KCTD16: variants seen among roughly 807,000 people sequenced by gnomAD.
KCTD16 encodes the protein potassium channel tetramerization domain containing 16.
Under a neutral mutation model 33.2 loss-of-function variants are expected in KCTD16, and 13 were observed. The observed-to-expected ratio is 0.39, with a 90% confidence interval of 0.25 to 0.62. KCTD16 has a LOEUF of 0.62. Ranked by LOEUF, KCTD16 falls within the 20% of genes least tolerant of loss-of-function variation. The probability of loss-of-function intolerance (pLI) is 0.50; values close to 1 mark genes in which losing one functional copy is unlikely to be tolerated. For missense variants in KCTD16, 441 were observed against 525.1 expected, an observed-to-expected ratio of 0.84 and a Z score of 1.57; for synonymous variants, 197 against 195.3, an observed-to-expected ratio of 1.01 and a Z score of -0.07.
At position 144,236,924 on chromosome 5, in the gene KCTD16, T is replaced by A. The variant is rs151114323; in HGVS notation, c.832+29378T>A. On this transcript the variant is annotated intron_variant, in intron 3 of 3. Coordinates refer to ENST00000512467, the MANE Select transcript of KCTD16 (RefSeq NM_020768.4). ...GGATTTATCATATTGGCAATGGCTA[T>A]CTTAGCACTGGACTATATTTGAATG... 4.2e-3 allele frequency among the ~76,000 whole-genome samples: 641 copies of A among 152,222 alleles called. 6 individuals carry two copies. Among genetic ancestry groups the A allele is most frequent in the African/African-American group, 0.015 (614 of 41,544 alleles).
At chr5:144,343,133 G>A (rs1466670942) in intron 3 of KCTD16, among the ~76,000 whole-genome samples, 1 of 152,130 alleles carries the variant, frequency 6.6e-6, no homozygotes, top group Non-Finnish European at 1.5e-5. Flanking sequence ...CTATTGATTG[G>A]AATAGTTTCA....
At chr5:144,392,125 G>A (rs542480626) in intron 3 of KCTD16, among the ~76,000 whole-genome samples, 25 of 152,288 alleles carry the variant, frequency 1.6e-4, no homozygotes, top group African/African-American at 5.8e-4. Context: ...GGAAACAAAC[G>A]GTGTGGGAGA....
At chr5:144,333,361 T>G (rs1341669011) in intron 3 of KCTD16, among the ~76,000 whole-genome samples, 1 of 152,208 alleles carries the variant, frequency 6.6e-6, no homozygotes, top group Non-Finnish European at 1.5e-5. Context: ...AATGTGGCTG[T>G]TCTTCTGCTC....
At chr5:144,213,938 A>G (rs1288323606) in intron 3 of KCTD16, among the ~76,000 whole-genome samples, 1 of 152,176 alleles carries the variant, frequency 6.6e-6, no homozygotes, top group Admixed American at 6.5e-5. Context: ...TGAGCTTACC[A>G]AGATGTGCAG....
intron 3 of KCTD16, among the ~76,000 whole-genome samples, chr5:144,261,221 TC>T (rs1755003934): frequency 7.0e-6 from 1 of 142,124 alleles, no homozygotes; most frequent in Non-Finnish European, 1.5e-5. Context: ...AGGGAACACC[TC>T]CCAGGAAAAT....
intron 3 of KCTD16, among the ~76,000 whole-genome samples, chr5:144,219,712 G>A (rs111498718): frequency 0.027 from 4,058 of 151,702 alleles, 183 homozygotes; most frequent in African/African-American, 0.093. Flanking sequence ...TAGAGATGGG[G>A]TTTCACCATG....
chr5:144,341,173 G>A (rs1185792493), intron 3 of KCTD16, among the ~76,000 whole-genome samples: 1 of 152,142 alleles, frequency 6.6e-6, no homozygotes, highest in Admixed American at 6.5e-5. Flanking sequence ...GCAATATATG[G>A]TATTTTGTTA....
chr5:144,311,491 T>G (rs551415401), intron 3 of KCTD16, among the ~76,000 whole-genome samples: 4 of 152,270 alleles, frequency 2.6e-5, no homozygotes, highest in African/African-American at 9.6e-5. Context: ...TGCAAAGATA[T>G]ATAGATATAG....
At chr5:144,423,734 TA>T (rs1163787637) in intron 3 of KCTD16, among the ~76,000 whole-genome samples, 2 of 152,158 alleles carry the variant, frequency 1.3e-5, no homozygotes, top group African/African-American at 4.8e-5. Flanking sequence ...GATTCTTAGT[TA>T]ATTCTACAGA....
At chr5:144,343,575 T>C (rs1752703517) in intron 3 of KCTD16, among the ~76,000 whole-genome samples, 1 of 151,778 alleles carries the variant, frequency 6.6e-6, no homozygotes, top group East Asian at 1.9e-4. Context: ...GTGTCTCTAT[T>C]TCCTTCAGTT....
intron 3 of KCTD16, among the ~76,000 whole-genome samples, chr5:144,424,022 T>C (rs961270380): frequency 6.6e-6 from 1 of 152,128 alleles, no homozygotes; most frequent in Admixed American, 6.5e-5. Context: ...GGGTTGGACA[T>C]CCATGCTTTA....
At chr5:144,317,699 G>A (rs1435350857) in intron 3 of KCTD16, among the ~76,000 whole-genome samples, 2 of 152,070 alleles carry the variant, frequency 1.3e-5, no homozygotes, top group African/African-American at 2.4e-5. Context: ...CAAATCCTTG[G>A]TTGGGTCTCC....
intron 3 of KCTD16, among the ~76,000 whole-genome samples, chr5:144,312,416 T>C (rs1372825419): frequency 6.6e-6 from 1 of 152,176 alleles, no homozygotes; most frequent in East Asian, 1.9e-4. Context: ...TCCCTTCTAA[T>C]CTGATGGCTG....
intron 3 of KCTD16, among the ~76,000 whole-genome samples, chr5:144,451,241 G>T (rs1359201351): frequency 6.6e-6 from 1 of 152,102 alleles, no homozygotes; most frequent in Non-Finnish European, 1.5e-5. Flanking sequence ...GACATCTCTA[G>T]TAAATTAGAG....
intron 3 of KCTD16, among the ~76,000 whole-genome samples, chr5:144,331,076 C>A (rs1187020274): frequency 6.6e-6 from 1 of 152,130 alleles, no homozygotes; most frequent in East Asian, 1.9e-4. Flanking sequence ...AAAAGCCATT[C>A]CAGGAAGAAA....
intron 2 of KCTD16, among the ~76,000 whole-genome samples, chr5:144,188,486 A>T (rs201728584): frequency 6.6e-6 from 1 of 152,194 alleles, no homozygotes; most frequent in East Asian, 1.9e-4. Flanking sequence ...AGGGTGCTTA[A>T]CCAAAAGTGG....
rs777554566 is a variant in KCTD16 at position 144,473,795 on chromosome 5, C to G, written c.968C>G (p.Ser323Cys). The G allele has an allele frequency of 6.2e-7, 1 of 1,614,130 alleles. No individual in the cohort carries two copies. Among genetic ancestry groups the G allele is most frequent in the South Asian group, 1.1e-5 (1 of 91,072 alleles). The change falls in exon 4 of 4, where the codon TCT becomes TGT. Residue 323 changes from serine to cysteine, a missense_variant. Transcript: ENST00000512467. The part of the protein sequence containing the change: ...SSCDSQSEAS[S>C]PQETVICGPV... ...TGCGACAGCCAGTCTGAGGCCAGCTCTCCCCAGGAGACGGTCATCTGTGGT... is the reference window on the plus strand; with the variant it reads ...TGCGACAGCCAGTCTGAGGCCAGCTGTCCCCAGGAGACGGTCATCTGTGGT...
At chr5:144,287,765 T>G (rs1755786574) in intron 3 of KCTD16, among the ~76,000 whole-genome samples, 2 of 151,822 alleles carry the variant, frequency 1.3e-5, no homozygotes, top group African/African-American at 4.8e-5. Context: ...GCCTCCCGAG[T>G]AGCTGGGTTA....
intron 3 of KCTD16, among the ~76,000 whole-genome samples, chr5:144,294,540 C>T (rs1755985024): frequency 6.6e-6 from 1 of 151,880 alleles, no homozygotes; most frequent in Non-Finnish European, 1.5e-5. Flanking sequence ...GTTATATTAG[C>T]ATGTTATTTG....
Sources: allele counts gnomAD v4.1 joint callset (sites outside exome capture counted in the v4.1 genomes callset), GRCh38; gene constraint gnomAD v4.1.1; transcripts MANE v1.5; gene names NCBI Gene and HGNC (gene_info 2026-07-23, HGNC 2026-07-21).